Variants in NIPBL observed in about 807,000 individuals in gnomAD.
NIPBL encodes the protein NIPBL cohesin loading factor, also known as nipped-B-like protein.
Under a neutral mutation model 321.8 loss-of-function variants are expected in NIPBL, and 19 were observed. The observed-to-expected ratio is 0.06, with a 90% CI of 0.04 to 0.09. The LOEUF (loss-of-function observed/expected upper bound fraction) is 0.09. NIPBL is among the 10% of genes least tolerant of loss of function. NIPBL has a pLI of 1.00. For missense variants in NIPBL, 2,210 were observed against 3,327.0 expected, an observed-to-expected ratio of 0.66 and a Z score of 8.26; for synonymous variants, 1,106 against 1,114.1, an observed-to-expected ratio of 0.99 and a Z score of 0.14.
intron 45 of NIPBL, among the ~76,000 whole-genome samples, chr5:37,063,368 C>G (rs189193177): frequency 5.3e-4 from 80 of 152,250 alleles, no homozygotes; most frequent in Admixed American, 1.3e-3. Flanking sequence ...TCTCTTGTAT[C>G]GTCTTAGCAG....
At position 37,041,858 on chromosome 5, in the gene NIPBL, C is replaced by T. The variant is rs1752421821; in HGVS notation, c.6109-2489C>T. On this transcript the variant is annotated intron_variant, in intron 34 of 46. Transcript: ENST00000282516. The stretch of plus-strand genomic sequence containing the variant: ...GGGATTATAGGCGTGAGCCACTGTG[C>T]CCAGCCACTACATTTTTTTTTTTTT... Among the ~76,000 whole-genome samples, 4 of 148,412 alleles carry T rather than the reference C, an allele frequency of 2.7e-5. No homozygotes were observed. The South Asian group carries it at 8.5e-4, about 32-fold the overall frequency.
chr5:37,053,835 A>G (rs79843344), intron 42 of NIPBL, among the ~76,000 whole-genome samples: 2,180 of 152,310 alleles, frequency 0.014, 58 homozygotes, highest in African/African-American at 0.051. Flanking sequence ...CGAGCATAAA[A>G]TAGTAAAAAC....
intron 1 of NIPBL, among the ~76,000 whole-genome samples, chr5:36,933,516 T>G (rs1211517094): frequency 6.6e-6 from 1 of 152,116 alleles, no homozygotes; most frequent in African/African-American, 2.4e-5. Flanking sequence ...GGATGAAAAT[T>G]TGATCCGATT....
At chr5:36,895,846 T>C (rs1285405183) in intron 1 of NIPBL, among the ~76,000 whole-genome samples, 5 of 152,252 alleles carry the variant, frequency 3.3e-5, no homozygotes, top group South Asian at 4.1e-4. Flanking sequence ...GTTAGACATA[T>C]TCTAGATACA....
At chr5:36,960,716 A>G (rs532083111) in intron 4 of NIPBL, among the ~76,000 whole-genome samples, 1 of 152,280 alleles carries the variant, frequency 6.6e-6, no homozygotes, top group East Asian at 1.9e-4. Flanking sequence ...ATCATAAGAA[A>G]ATTCAGGGTG....
intron 46 of NIPBL, 177 bp downstream of exon 46, chr5:37,064,155 A>C (rs1755125098): frequency 7.0e-7 from 1 of 1,428,080 alleles, no homozygotes; most frequent in African/African-American, 1.4e-5. Flanking sequence ...TAGAAAGTTT[A>C]ACATAAAAGA....
At chr5:37,050,897 C>T (rs973801969) in intron 40 of NIPBL, 7 of 152,186 alleles carry the variant, frequency 4.6e-5, no homozygotes, top group African/African-American at 1.7e-4. Context: ...GATGCAGTCT[C>T]AGCTTACCTG....
In NIPBL at chr5:36,938,822, C is replaced by T. The variant is rs547912360; in HGVS notation, c.-79-14796C>T. ...CAAAACCAGGAAACTGACGTTGATACAATCCGGGAGCTTGTTCATATTTAA... is the reference window on the plus strand; with the variant it reads ...CAAAACCAGGAAACTGACGTTGATATAATCCGGGAGCTTGTTCATATTTAA... On this transcript the variant is annotated intron_variant, in intron 1 of 46. Coordinates refer to ENST00000282516, the MANE Select transcript of NIPBL (RefSeq NM_133433.4). Among the ~76,000 whole-genome samples, 191 of 152,264 alleles carry T rather than the reference C, an allele frequency of 1.3e-3. 2 individuals carry two copies. Among genetic ancestry groups the T allele is most frequent in the African/African-American group, 4.5e-3 (185 of 41,554 alleles).
Position 36,985,233 on chromosome 5 carries a change from G to T in NIPBL, c.2053G>T (p.Asp685Tyr). The change falls in exon 10 of 47, where the codon GAC becomes TAC. Residue 685 changes from aspartate (D) to tyrosine (Y), a missense_variant. Physicochemically the swap from Asp to Tyr is radical, Grantham distance 160. This residue lies in a region of NIPBL where 588 missense variants were observed against 564.1 expected (regional missense o/e 1.04). Transcript: ENST00000282516. ...ENRLSDTKPN[D>Y]NKQNNGRSET... Reference sequence around the variant, plus strand: ...TAGACTGTCTGACACAAAACCAAATGACAACAAACAAAATAATGGCAGATC... The same window carrying T: ...TAGACTGTCTGACACAAAACCAAATTACAACAAACAAAATAATGGCAGATC... The T allele has an allele frequency of 1.9e-6, 3 of 1,613,616 alleles. No individual in the cohort carries two copies. Among genetic ancestry groups the T allele is most frequent in the Non-Finnish European group, 2.5e-6 (3 of 1,179,908 alleles).
intron 10 of NIPBL, among the ~76,000 whole-genome samples, chr5:36,993,883 A>C (rs1037604503): frequency 6.6e-6 from 1 of 152,162 alleles, no homozygotes; most frequent in African/African-American, 2.4e-5. Context: ...TGTGAACCAG[A>C]GTTAGGCAAT....
Position 37,022,048 on chromosome 5 carries a change from C to T in NIPBL, c.5329-3C>T, listed in dbSNP as rs1749712118. The T allele has an allele frequency of 6.2e-7, 1 of 1,612,532 alleles. No individual in the cohort carries two copies. Among genetic ancestry groups the T allele is most frequent in the South Asian group, 1.1e-5 (1 of 91,018 alleles). Reference sequence around the variant, plus strand: ...TACAAAAATGTCAATGTTTGCTTGGCAGATCCTACGAGTTCTTGGTGAAAA... The same window carrying T: ...TACAAAAATGTCAATGTTTGCTTGGTAGATCCTACGAGTTCTTGGTGAAAA... On this transcript the variant is annotated splice_region_variant and splice_polypyrimidine_tract_variant and intron_variant, in intron 27 of 46. Transcript: ENST00000282516.
chr5:36,967,537 A>C (rs187577725), intron 6 of NIPBL, among the ~76,000 whole-genome samples: 77 of 152,328 alleles, frequency 5.1e-4, no homozygotes, highest in African/African-American at 1.8e-3. Flanking sequence ...TATAAAGTTA[A>C]ATTACAATCT....
chr5:37,020,511 C>T lies in NIPBL; in HGVS notation c.5063C>T (p.Thr1688Ile), dbSNP rs763888888. The T allele has an allele frequency of 6.2e-7, 1 of 1,613,840 alleles. No individual in the cohort carries two copies. The highest frequency in any genetic ancestry group is 1.7e-4 in the Middle Eastern group (1 of 6,058). ...TGGTTTCGAGACACAACTCTGGAAA[C>T]AGAAAAAGCAATGAAATCACAAAAA... ...AQWFRDTTLE[T>I]EKAMKSQKDE... is the part of the protein sequence containing the mutation. The change falls in exon 26 of 47, where the codon ACA becomes ATA. Residue 1688 changes from threonine to isoleucine, a missense_variant. Thr to Ile is a moderately conservative substitution (Grantham distance 89, BLOSUM62 -1). Transcript: ENST00000282516.
intron 1 of NIPBL, among the ~76,000 whole-genome samples, chr5:36,897,426 T>C (rs1561360451): frequency 6.6e-6 from 1 of 152,218 alleles, no homozygotes; most frequent in Non-Finnish European, 1.5e-5. Flanking sequence ...TTGTAACTCA[T>C]GCTCTTCTTT....
chr5:36,915,971 C>G (rs945874179), intron 1 of NIPBL, among the ~76,000 whole-genome samples: 1 of 152,182 alleles, frequency 6.6e-6, no homozygotes, highest in African/African-American at 2.4e-5. Flanking sequence ...GGAAATACAT[C>G]TGAAGTCCAT....
Position 37,007,990 on chromosome 5 carries a change from C to T in NIPBL, c.4240-18C>T. 6.9e-7 allele frequency: 1 copy of T among 1,454,634 alleles called. No homozygotes were observed. The allele number at this position is 1,454,634 out of a possible 1,614,324, so 90.1% of individuals were successfully genotyped here. On this transcript the variant is annotated intron_variant, in intron 18 of 46. Transcript: ENST00000282516. The stretch of plus-strand genomic sequence containing the variant: ...ATCAACTAAAGGTGTATACTACTTA[C>T]TCTTCTTTTTTAAACAGGTTTCATC...
At chr5:37,046,590 C>T (rs752776893) in intron 38 of NIPBL, among the ~76,000 whole-genome samples, 1 of 152,156 alleles carries the variant, frequency 6.6e-6, no homozygotes, top group East Asian at 1.9e-4. Context: ...TTTGTCACTA[C>T]AGGAAGCTGC....
intron 1 of NIPBL, among the ~76,000 whole-genome samples, chr5:36,916,432 A>G (rs1003890965): frequency 1.3e-5 from 2 of 152,184 alleles, no homozygotes; most frequent in African/African-American, 2.4e-5. Flanking sequence ...CAGTTGTTTT[A>G]CTAAAACCAC....
Position 36,970,883 on chromosome 5 carries a change from A to G in NIPBL, c.618A>G (p.Val206=), listed in dbSNP as rs760562029. 1.9e-6 allele frequency: 3 copies of G among 1,613,372 alleles called. No homozygotes were observed. The highest frequency in any genetic ancestry group is 2.5e-6 in the Non-Finnish European group (3 of 1,179,406). The change falls in exon 7 of 47, where the codon GTA becomes GTG. Residue 206 remains valine (V), a synonymous_variant. Coordinates refer to ENST00000282516, the MANE Select transcript of NIPBL (RefSeq NM_133433.4). ...TATTCTTATTAATTTCAGCATCGGTATCAAGTCCCATTGTTGCAGGTGGTT... is the reference window on the plus strand; with the variant it reads ...TATTCTTATTAATTTCAGCATCGGTGTCAAGTCCCATTGTTGCAGGTGGTT... ...TTHPQMQQAS[V]SSPIVAGGLR...
Sources: allele counts gnomAD v4.1 joint callset (sites outside exome capture counted in the v4.1 genomes callset), GRCh38; gene constraint gnomAD v4.1.1; regional missense constraint gnomAD v4.1.1; transcripts MANE v1.5; gene names NCBI Gene and HGNC (gene_info 2026-07-23, HGNC 2026-07-21).